Variants in NRG2 observed in about 807,000 individuals in gnomAD.
NRG2 encodes pro-neuregulin-2, membrane-bound isoform.
In NRG2, 27 loss-of-function variants were observed where a neutral mutation model predicts 73.9. The observed-to-expected ratio is 0.37, with a 90% CI of 0.27 to 0.50. The LOEUF (loss-of-function observed/expected upper bound fraction) is 0.50, where lower values mean the gene tolerates loss of function less well. Ranked by LOEUF, NRG2 falls within the 20% of genes least tolerant of loss-of-function variation. The pLI is 0.96. For missense variants in NRG2, 1,126 were observed against 1,210.1 expected (o/e 0.93, Z 1.03); for synonymous variants, 532 against 541.0 (o/e 0.98, Z 0.23).
chr5:139,867,483 C>T (rs370760358), intron 4 of NRG2, among the ~76,000 whole-genome samples: 6 of 152,094 alleles, frequency 3.9e-5, no homozygotes, highest in Non-Finnish European at 8.8e-5. Context: ...GATCCCTGGC[C>T]CTCGTCCCTA....
intron 4 of NRG2, among the ~76,000 whole-genome samples, chr5:139,866,367 A>G (rs188675882): frequency 2.8e-4 from 42 of 152,286 alleles, no homozygotes; most frequent in African/African-American, 1.0e-3. Context: ...TTACTTCACC[A>G]TGGATGTTGT....
At position 139,942,724 on chromosome 5, in the gene NRG2, C is replaced by G. The variant is rs11739408; in HGVS notation, c.701-55213G>C. Among the ~76,000 whole-genome samples the G allele has an allele frequency of 1.8e-3, 268 of 152,350 alleles. 1 individual carries two copies. Among genetic ancestry groups the G allele is most frequent in the Non-Finnish European group, 3.0e-3 (205 of 68,036 alleles). On this transcript the variant is annotated intron_variant, in intron 1 of 9. Coordinates refer to ENST00000361474, the MANE Select transcript of NRG2 (RefSeq NM_004883.3). ...CTATTTTTGCAGAAAGACTAATACT[C>G]TTTAGTGAATTTATTTTCTCTGTAC... is the stretch of plus-strand genomic sequence containing the variant.
chr5:139,855,790 G>A lies in NRG2; in HGVS notation c.1190-12C>T, dbSNP rs775053363. 6.2e-6 allele frequency: 10 copies of A among 1,607,280 alleles called. No homozygotes were observed. The highest frequency in any genetic ancestry group is 6.0e-6 in the Non-Finnish European group (7 of 1,174,106). On this transcript the variant is annotated splice_polypyrimidine_tract_variant and intron_variant, in intron 5 of 9. Coordinates refer to ENST00000361474, the MANE Select transcript of NRG2 (RefSeq NM_004883.3). ...CAGCTCCTCGGCTTCTGCAGAGGTA[G>A]GGTAGATGTGAGGGGTGGGGCAGGA...
At chr5:139,972,024 A>G (rs1297151809) in intron 1 of NRG2, among the ~76,000 whole-genome samples, 1 of 152,240 alleles carries the variant, frequency 6.6e-6, no homozygotes. Context: ...ATGTTCAGGT[A>G]CCAGAATAGA....
chr5:139,958,847 A>G (rs1272292613), intron 1 of NRG2, among the ~76,000 whole-genome samples: 1 of 152,220 alleles, frequency 6.6e-6, no homozygotes, highest in East Asian at 1.9e-4. Context: ...CCAGGAGCCA[A>G]GTACAGAACA....
rs767801070 is a variant in NRG2, at chr5:139,848,664, G to C, written c.1806C>G (p.Leu602=). 6.4e-7 allele frequency: 1 copy of C among 1,567,442 alleles called. No individual in the cohort carries two copies. The highest frequency in any genetic ancestry group is 8.6e-7 in the Non-Finnish European group (1 of 1,166,134). Residue 602 remains leucine, a synonymous_variant, in exon 10 of 10, where the codon CTC becomes CTG. Transcript: ENST00000361474. The stretch of plus-strand genomic sequence containing the variant: ...GCGAGTAGTGGAAGTCCACGGGCGA[G>C]AGGCGCGCGGGCGTGGTCAGGGCCG... ...YVSALTTPAR[L]SPVDFHYSLA...
chr5:139,916,774 C>T (rs753305376), intron 1 of NRG2, among the ~76,000 whole-genome samples: 6 of 152,102 alleles, frequency 3.9e-5, no homozygotes, highest in Non-Finnish European at 8.8e-5. Context: ...TGTATATATA[C>T]CAGATATTAT....
chr5:139,993,771 G>T (rs1580898429), intron 1 of NRG2, among the ~76,000 whole-genome samples: 1 of 121,626 alleles, frequency 8.2e-6, no homozygotes, highest in South Asian at 3.2e-4. Context: ...GACAGGCAAA[G>T]ATATTCAAAC....
chr5:140,025,045 G>A (rs567396292), intron 1 of NRG2, among the ~76,000 whole-genome samples: 2 of 152,124 alleles, frequency 1.3e-5, no homozygotes, highest in South Asian at 4.1e-4. Flanking sequence ...AGAAAGCAGT[G>A]GACTGAGGCT....
intron 1 of NRG2, among the ~76,000 whole-genome samples, chr5:139,924,820 G>A (rs185829455): frequency 3.8e-4 from 58 of 152,266 alleles, no homozygotes; most frequent in African/African-American, 1.1e-3. Flanking sequence ...AGGTCTCTTC[G>A]CTGCTACTTC....
chr5:139,965,105 C>T (rs1755394052), intron 1 of NRG2, among the ~76,000 whole-genome samples: 1 of 152,236 alleles, frequency 6.6e-6, no homozygotes, highest in African/African-American at 2.4e-5. Flanking sequence ...GTTAACCCCT[C>T]ATGGTCAGGC....
chr5:139,897,903 C>T (rs1191435648), intron 1 of NRG2, among the ~76,000 whole-genome samples: 1 of 152,222 alleles, frequency 6.6e-6, no homozygotes, highest in Non-Finnish European at 1.5e-5. Flanking sequence ...TAAGGGGCTC[C>T]AGCCTGGGCA....
intron 1 of NRG2, among the ~76,000 whole-genome samples, chr5:139,921,883 G>A (rs1031006998): frequency 2.6e-5 from 4 of 151,782 alleles, no homozygotes; most frequent in African/African-American, 7.3e-5. Context: ...GCAACAGAGC[G>A]AAACACCAAA....
In NRG2 at chr5:139,888,191, C is replaced by A. The variant is rs541538767; in HGVS notation, c.701-680G>T. Among the ~76,000 whole-genome samples, 22 of 152,232 alleles carry A rather than the reference C, an allele frequency of 1.4e-4. No individual in the cohort carries two copies. In the South Asian group the frequency reaches 3.9e-3, roughly 27 times the overall value. ...AGGAAGATGAGGCTAAGCCAGTGCT[C>A]GTGCTGAGGTGTATAACAATTTCCA... On this transcript the variant is annotated intron_variant, in intron 1 of 9. Coordinates refer to ENST00000361474, the MANE Select transcript of NRG2 (RefSeq NM_004883.3).
At position 139,852,790 on chromosome 5, in the gene NRG2, GC is replaced by G; in HGVS notation, c.1416+113del. The G allele has an allele frequency of 6.5e-7, 1 of 1,539,774 alleles. No individual in the cohort carries two copies. Among genetic ancestry groups the G allele is most frequent in the Non-Finnish European group, 8.8e-7 (1 of 1,138,282 alleles). ...ATCCTGGTGAGGCAGTGCCTAGCAGGCAAGGCTGGCCATGGGATAGGCTGGC... is the reference window on the plus strand; with the variant it reads ...ATCCTGGTGAGGCAGTGCCTAGCAGGAAGGCTGGCCATGGGATAGGCTGGC... On this transcript the variant is annotated intron_variant, in intron 7 of 9. Transcript: ENST00000361474. This position sits in a 1 kb window ranked among gnomAD's most constrained non-coding sequence, Gnocchi z 4.4.
At chr5:139,917,053 G>A (rs59400245) in intron 1 of NRG2, among the ~76,000 whole-genome samples, 3,117 of 152,240 alleles carry the variant, frequency 0.02, 113 homozygotes, top group African/African-American at 0.071. Flanking sequence ...GAGGGTTCCA[G>A]TCTCTCCACA....
chr5:140,042,946 C>A lies in NRG2; in HGVS notation c.124G>T (p.Glu42Ter). The change falls in exon 1 of 10, where the codon GAG becomes TAG. Residue 42 changes from glutamate (E) to a stop codon, truncating the protein, a stop_gained. Coordinates refer to ENST00000361474, the MANE Select transcript of NRG2 (RefSeq NM_004883.3). LOFTEE classifies it high-confidence loss of function. ...RSSSSSSSSS[E>*]SGSSSRSSSN... The stretch of plus-strand genomic sequence containing the variant: ...CTGCTCCTGCTGCTGCTGCCGCTCT[C>A]GCTGCTGCTGCTGCTGCTGCTGCTG... 1 of 1,532,844 alleles carries A rather than the reference C, an allele frequency of 6.5e-7. No individual in the cohort carries two copies. Among genetic ancestry groups the A allele is most frequent in the Admixed American group, 2.0e-5 (1 of 50,750 alleles). The allele number at this position is 1,532,844 out of a possible 1,614,324, so 95.0% of individuals were successfully genotyped here.
rs373446102 is a variant in NRG2 at position 139,865,003 on chromosome 5, C to T, written c.1189+546G>A. On this transcript the variant is annotated intron_variant, in intron 5 of 9. Transcript: ENST00000361474. This position sits in a 1 kb window ranked among gnomAD's most constrained non-coding sequence, Gnocchi z 5.2. ...GGGTGTTTCCGTCTCCTCTAAGGAG[C>T]GCAGGACACCCTCTACATCTCCCCC... The T allele has an allele frequency of 1.3e-4, 120 of 915,826 alleles. No individual in the cohort carries two copies. The highest frequency in any genetic ancestry group is 8.7e-4 in the Admixed American group (50 of 57,582). 56.7% of individuals were successfully genotyped at this position (915,826 alleles called of 1,614,324 possible). A position where few individuals can be genotyped will look rare whatever the true frequency, so the allele number is the denominator to read the frequency against.
rs765926710 is a variant in NRG2 at position 139,851,818 on chromosome 5, T to C, written c.1558A>G (p.Thr520Ala). The change falls in exon 9 of 10, where the codon ACG becomes GCG. Residue 520 changes from threonine (T) to alanine (A), a missense_variant. Physicochemically the swap from Thr to Ala is moderately conservative, Grantham distance 58 (BLOSUM62 0). Around this residue, in one of 3 missense-constraint regions of NRG2, gnomAD observed 539 missense variants for 703.2 expected, o/e 0.77. Coordinates refer to ENST00000361474, the MANE Select transcript of NRG2 (RefSeq NM_004883.3). The surrounding 1 kb of genome is among the most constrained non-coding windows in gnomAD (Gnocchi z 4.2). Reference sequence around the variant, plus strand: ...CTCTCAGAACGTTCCAGGCTCCACGTGTGGCTCTCGTGTCTGGGAAGGCCA... The same window carrying C: ...CTCTCAGAACGTTCCAGGCTCCACGCGTGGCTCTCGTGTCTGGGAAGGCCA... ...PTSSHRHESH[T>A]WSLERSESLT... 2 of 1,614,114 alleles carry C rather than the reference T, an allele frequency of 1.2e-6. No homozygotes were observed. The highest frequency in any genetic ancestry group is 1.7e-6 in the Non-Finnish European group (2 of 1,179,986).
Sources: gnomAD v4.1 joint callset for allele counts (sites outside exome capture counted in the v4.1 genomes callset) on GRCh38, gnomAD v4.1.1 for gene constraint, gnomAD v4.1.1 regional missense constraint, Gnocchi (gnomAD v3.1) non-coding constraint, MANE v1.5 for transcripts, NCBI Gene and HGNC (gene_info 2026-07-23, HGNC 2026-07-21) for gene names.